PKNOX2: variants seen among roughly 807,000 people sequenced by gnomAD.
PKNOX2 encodes PBX/knotted 1 homeobox 2.
In PKNOX2, 14 loss-of-function variants were observed where a neutral mutation model predicts 53.1. That is an observed-to-expected ratio of 0.26 (90% CI 0.17 to 0.41). PKNOX2 has a LOEUF of 0.41. Among genes scored for constraint, PKNOX2 ranks in the 10% least tolerant of loss-of-function variants. The probability of loss-of-function intolerance (pLI) is 1.00; values close to 1 mark genes in which losing one functional copy is unlikely to be tolerated. For missense variants in PKNOX2, 496 were observed against 602.8 expected, an observed-to-expected ratio of 0.82 and a Z score of 1.85; for synonymous variants, 257 against 242.8, an observed-to-expected ratio of 1.06 and a Z score of -0.54.
At chr11:125,353,610 A>G (rs1951432025) in intron 4 of PKNOX2, among the ~76,000 whole-genome samples, 1 of 152,226 alleles carries the variant, frequency 6.6e-6, no homozygotes, top group South Asian at 2.1e-4. Context: ...AGACACAGGC[A>G]CTGCCCGAAG....
In PKNOX2 at chr11:125,392,428, G is replaced by T. The variant is rs577108278; in HGVS notation, c.400-5446G>T. 2.6e-5 allele frequency among the ~76,000 whole-genome samples: 4 copies of T among 152,232 alleles called. No individual in the cohort carries two copies. In the South Asian group the frequency reaches 8.3e-4, roughly 32 times the overall value. On this transcript the variant is annotated intron_variant, in intron 6 of 12. Coordinates refer to ENST00000298282, the MANE Select transcript of PKNOX2 (RefSeq NM_001382323.2). The stretch of plus-strand genomic sequence containing the variant: ...TGCCTACCTTTCTAATATTGAACAG[G>T]TCCTACATATTCATTGCCTCAGAAT...
At chr11:125,217,497 A>T (rs1940661964) in intron 1 of PKNOX2, among the ~76,000 whole-genome samples, 1 of 152,206 alleles carries the variant, frequency 6.6e-6, no homozygotes, top group African/African-American at 2.4e-5. Context: ...GGCCAGCTAC[A>T]AATACTTCCT....
chr11:125,350,144 GC>G (rs1951217631), intron 3 of PKNOX2, among the ~76,000 whole-genome samples: 1 of 152,170 alleles, frequency 6.6e-6, no homozygotes, highest in Non-Finnish European at 1.5e-5. Flanking sequence ...ACAGTGGACA[GC>G]CCTGTATCAG....
intron 2 of PKNOX2, among the ~76,000 whole-genome samples, chr11:125,323,568 A>G: frequency 6.6e-6 from 1 of 152,218 alleles, no homozygotes; most frequent in Middle Eastern, 3.2e-3. Flanking sequence ...ACAGGAGGAA[A>G]TAGAGCCCTG....
chr11:125,340,397 G>A (rs906682675), intron 3 of PKNOX2, among the ~76,000 whole-genome samples: 1 of 152,142 alleles, frequency 6.6e-6, no homozygotes, highest in African/African-American at 2.4e-5. Context: ...GTCCTTCCCT[G>A]CTATTTCCTG....
intron 1 of PKNOX2, among the ~76,000 whole-genome samples, chr11:125,217,123 TCA>T (rs1480934552): frequency 6.7e-6 from 1 of 149,726 alleles, no homozygotes; most frequent in African/African-American, 2.5e-5. Flanking sequence ...ACCCATGGAG[TCA>T]CACACACAGG....
intron 1 of PKNOX2, chr11:125,184,504 G>A (rs1956337066): frequency 6.6e-6 from 1 of 152,248 alleles, no homozygotes. Context: ...AGAGAGGGGA[G>A]CCATAAACAA....
intron 6 of PKNOX2, among the ~76,000 whole-genome samples, chr11:125,396,475 G>A (rs2135448821): frequency 6.6e-6 from 1 of 151,260 alleles, no homozygotes; most frequent in East Asian, 2.0e-4. Flanking sequence ...ACAACCCCCT[G>A]TTGAAAAGCA....
chr11:125,404,195 G>A (rs1954928474), intron 7 of PKNOX2, among the ~76,000 whole-genome samples: 1 of 152,186 alleles, frequency 6.6e-6, no homozygotes, highest in African/African-American at 2.4e-5. Context: ...AATAAAATGA[G>A]CCACACTGCC....
chr11:125,285,579 T>C (rs76222892), intron 2 of PKNOX2, among the ~76,000 whole-genome samples: 1,732 of 152,300 alleles, frequency 0.011, 27 homozygotes, highest in African/African-American at 0.032. Context: ...GCATTTAAAA[T>C]GCTGAGCTTC....
At chr11:125,344,823 T>C (rs12287582) in intron 3 of PKNOX2, among the ~76,000 whole-genome samples, 22,432 of 152,154 alleles carry the variant, frequency 0.15, 3,653 homozygotes, top group African/African-American at 0.41. Context: ...CGGTGTGCCC[T>C]GGGACCTGGG....
rs531319678 is a variant in PKNOX2, at chr11:125,177,578, G to A, written c.-201+12802G>A. ...GAGAGTAGCAATGTCCCTGTGCAGG[G>A]GATTCAGTGAGGTAACAGCAAAGAT... is the stretch of plus-strand genomic sequence containing the variant. On this transcript the variant is annotated intron_variant, in intron 1 of 12. Coordinates refer to ENST00000298282, the MANE Select transcript of PKNOX2 (RefSeq NM_001382323.2). 3.3e-5 allele frequency among the ~76,000 whole-genome samples: 5 copies of A among 152,298 alleles called. No individual in the cohort carries two copies. In the East Asian group the frequency reaches 9.6e-4, roughly 29 times the overall value.
chr11:125,409,991 T>C, intron 7 of PKNOX2: 1 of 610,930 alleles, frequency 1.6e-6, no homozygotes. Flanking sequence ...GGGTGACTCT[T>C]TTTGTTTTTG....
intron 2 of PKNOX2, among the ~76,000 whole-genome samples, chr11:125,246,249 G>A (rs1257765376): frequency 6.6e-6 from 1 of 152,194 alleles, no homozygotes; most frequent in Admixed American, 6.5e-5. Flanking sequence ...TCATAACATG[G>A]CAGGAGGCAT....
At chr11:125,364,102 C>A (rs1330679897) in intron 4 of PKNOX2, among the ~76,000 whole-genome samples, 2 of 152,208 alleles carry the variant, frequency 1.3e-5, no homozygotes, top group East Asian at 3.9e-4. Context: ...GTAACTTCCC[C>A]CAAAAAAACT....
chr11:125,169,139 T>A (rs996543199), intron 1 of PKNOX2, among the ~76,000 whole-genome samples: 2 of 152,208 alleles, frequency 1.3e-5, no homozygotes, highest in African/African-American at 4.8e-5. Context: ...TGAAGCCAAG[T>A]GTCTGGATCA....
intron 1 of PKNOX2, among the ~76,000 whole-genome samples, chr11:125,179,870 G>A (rs534319387): frequency 2.0e-5 from 3 of 152,278 alleles, no homozygotes; most frequent in South Asian, 4.1e-4. Context: ...AATGCATTAG[G>A]TATTTTGCCC....
chr11:125,209,100 A>T (rs912171947), intron 1 of PKNOX2, among the ~76,000 whole-genome samples: 1 of 152,124 alleles, frequency 6.6e-6, no homozygotes, highest in African/African-American at 2.4e-5. Context: ...AAAATAATTT[A>T]AAAATTACAT....
chr11:125,199,863 C>CA (rs781127222), intron 1 of PKNOX2, among the ~76,000 whole-genome samples: 26 of 152,132 alleles, frequency 1.7e-4, no homozygotes, highest in Non-Finnish European at 2.5e-4. Flanking sequence ...ACAAAACAAA[C>CA]AAACAAAACA....
Sources: gnomAD v4.1 joint callset for allele counts (sites outside exome capture counted in the v4.1 genomes callset) on GRCh38, gnomAD v4.1.1 for gene constraint, MANE v1.5 for transcripts, NCBI Gene and HGNC (gene_info 2026-07-23, HGNC 2026-07-21) for gene names.